Variants in N4BP2L1 observed in about 807,000 individuals in gnomAD.
The protein encoded by N4BP2L1 is NEDD4-binding protein 2-like 1.
In N4BP2L1, 12 loss-of-function variants were observed where a neutral mutation model predicts 21.2. That is an observed-to-expected ratio of 0.57 (90% confidence interval 0.36 to 0.92). The LOEUF is 0.92. N4BP2L1 is among the 40% of genes least tolerant of loss of function. N4BP2L1 has a pLI of 0.01. For missense variants in N4BP2L1, 259 were observed against 310.6 expected, an observed-to-expected ratio of 0.83 and a Z score of 1.25; for synonymous variants, 104 against 112.8, an observed-to-expected ratio of 0.92 and a Z score of 0.49.
At chr13:32,423,857 T>C (rs961638787) in intron 1 of N4BP2L1, among the ~76,000 whole-genome samples, 5 of 152,222 alleles carry the variant, frequency 3.3e-5, no homozygotes, top group Non-Finnish European at 5.9e-5. Context: ...TAGATAGTGG[T>C]AATGGTTGTA....
intron 1 of N4BP2L1, among the ~76,000 whole-genome samples, chr13:32,409,542 G>A (rs1394866988): frequency 1.3e-5 from 2 of 152,206 alleles, no homozygotes; most frequent in African/African-American, 2.4e-5. Context: ...CCAAATGCCA[G>A]GTGAAGCGTT....
chr13:32,424,297 G>A (rs1214999380), intron 1 of N4BP2L1, among the ~76,000 whole-genome samples: 3 of 152,012 alleles, frequency 2.0e-5, no homozygotes, highest in South Asian at 2.1e-4. Context: ...CTTTTCCTTC[G>A]TTCAGCCACC....
intron 1 of N4BP2L1, among the ~76,000 whole-genome samples, chr13:32,424,581 C>T (rs1221266421): frequency 6.6e-6 from 1 of 152,224 alleles, no homozygotes; most frequent in Non-Finnish European, 1.5e-5. Flanking sequence ...ACACCCACCT[C>T]GGCCTCCCAA....
At chr13:32,424,916 C>T (rs1199132562) in intron 1 of N4BP2L1, 2 of 152,096 alleles carry the variant, frequency 1.3e-5, no homozygotes, top group Non-Finnish European at 2.9e-5. Context: ...GGAGACAAGA[C>T]ATATCTTAAT....
At chr13:32,413,384 G>A (rs1227919125) in intron 1 of N4BP2L1, among the ~76,000 whole-genome samples, 1 of 152,184 alleles carries the variant, frequency 6.6e-6, no homozygotes, top group African/African-American at 2.4e-5. Flanking sequence ...GTTGGTATGA[G>A]AATGTTCTGC....
rs1192114814 is a variant in N4BP2L1 at position 32,403,015 on chromosome 13, T to C, written c.659A>G (p.Asn220Ser). The C allele has an allele frequency of 6.2e-7, 1 of 1,614,088 alleles. No homozygotes were observed. The highest frequency in any genetic ancestry group is 8.5e-7 in the Non-Finnish European group (1 of 1,180,002). ...RYWNSYTEFP[N>S]RRAHGGFTNE... ...TGTAAATCCACCGTGGGCCCTCCGG[T>C]TTGGAAACTCTGTGTAGGAATTCCA... The change falls in exon 5 of 5, where the codon AAC becomes AGC. Residue 220 changes from asparagine (N) to serine (S), a missense_variant. Transcript: ENST00000380130.
intron 4 of N4BP2L1, chr13:32,403,770 A>G (rs1375897509): frequency 7.5e-6 from 4 of 536,138 alleles, no homozygotes; most frequent in Non-Finnish European, 1.5e-5. Context: ...GCCTATTACC[A>G]TAAGAGGAAC....
Position 32,402,751 on chromosome 13 carries a change from A to G in N4BP2L1, c.*191T>C, listed in dbSNP as rs921302667. Reference sequence around the variant, plus strand: ...TACTCAAATCTGCAGAATTCCCAGCATCAGACCATGCATATAGAAGCACTT... The same window carrying G: ...TACTCAAATCTGCAGAATTCCCAGCGTCAGACCATGCATATAGAAGCACTT... On this transcript the variant is annotated 3_prime_UTR_variant, in exon 5 of 5. Coordinates refer to ENST00000380130, the MANE Select transcript of N4BP2L1 (RefSeq NM_052818.3). 1.2e-5 allele frequency: 17 copies of G among 1,367,658 alleles called. No homozygotes were observed. In the South Asian group the frequency reaches 2.0e-4, roughly 16 times the overall value. 84.7% of individuals were successfully genotyped at this position (1,367,658 alleles called of 1,614,324 possible).
At position 32,407,815 on chromosome 13, in the gene N4BP2L1, T is replaced by G. The variant is rs369700045; in HGVS notation, c.180-43A>C. The G allele has an allele frequency of 1.3e-5, 20 of 1,523,830 alleles. No individual in the cohort carries two copies. In the African/African-American group the frequency reaches 2.6e-4, roughly 20 times the overall value. 94.4% of individuals were successfully genotyped at this position (1,523,830 alleles called of 1,614,324 possible). A position where few individuals can be genotyped will look rare whatever the true frequency, so the allele number is the denominator to read the frequency against. On this transcript the variant is annotated intron_variant, in intron 1 of 4. Coordinates refer to ENST00000380130, the MANE Select transcript of N4BP2L1 (RefSeq NM_052818.3). Reference sequence around the variant, plus strand: ...GAGAGAGAGAGATGTTTTAAATATATGTATAGTCTCAGTAGAAATAATCTC... The same window carrying G: ...GAGAGAGAGAGATGTTTTAAATATAGGTATAGTCTCAGTAGAAATAATCTC...
intron 1 of N4BP2L1, chr13:32,411,439 C>A: frequency 6.2e-6 from 5 of 801,250 alleles, no homozygotes; most frequent in Non-Finnish European, 7.5e-6. Flanking sequence ...GTTGAATAGG[C>A]AGGACAATAA....
rs1489168314 is a variant in N4BP2L1 at position 32,400,836 on chromosome 13, A to C, written c.*2106T>G. 2 of 152,228 alleles carry C rather than the reference A, an allele frequency of 1.3e-5. No individual in the cohort carries two copies. The highest frequency in any genetic ancestry group is 4.8e-5 in the African/African-American group (2 of 41,464). The allele number at this position is 152,228 out of a possible 1,614,324, so 9.4% of individuals were successfully genotyped here. A position where few individuals can be genotyped will look rare whatever the true frequency, so the allele number is the denominator to read the frequency against. Reference sequence around the variant, plus strand: ...GCAAACAGCGAACACAATACAAGTCAATATTGGGTGTTCAAAGAGTTACAC... The same window carrying C: ...GCAAACAGCGAACACAATACAAGTCCATATTGGGTGTTCAAAGAGTTACAC... On this transcript the variant is annotated 3_prime_UTR_variant, in exon 5 of 5. Coordinates refer to ENST00000380130, the MANE Select transcript of N4BP2L1 (RefSeq NM_052818.3).
intron 3 of N4BP2L1, chr13:32,406,967 A>G: frequency 7.1e-6 from 3 of 421,688 alleles, no homozygotes; most frequent in South Asian, 2.3e-5. Context: ...GCCTTGCCGT[A>G]GGAAAGTAAT....
chr13:32,415,399 T>G (rs2074079957), intron 1 of N4BP2L1, among the ~76,000 whole-genome samples: 1 of 152,220 alleles, frequency 6.6e-6, no homozygotes, highest in African/African-American at 2.4e-5. Context: ...ATTTAATTTA[T>G]TTTTTTAATC....
At chr13:32,411,586 C>T in intron 1 of N4BP2L1, 5 of 985,136 alleles carry the variant, frequency 5.1e-6, no homozygotes, top group Non-Finnish European at 6.0e-6. Context: ...TTATGGTGGT[C>T]AGGAGCCTCA....
chr13:32,409,400 A>G (rs184271173), intron 1 of N4BP2L1, among the ~76,000 whole-genome samples: 64 of 152,366 alleles, frequency 4.2e-4, no homozygotes, highest in South Asian at 1.2e-3. Context: ...ATGTTTGTTT[A>G]AACAGGAATC....
At chr13:32,422,417 G>A (rs1041549366) in intron 1 of N4BP2L1, among the ~76,000 whole-genome samples, 1 of 152,200 alleles carries the variant, frequency 6.6e-6, no homozygotes, top group Non-Finnish European at 1.5e-5. Context: ...GCTTCTCAGT[G>A]TCTTGGGCTC....
chr13:32,427,384 G>C (rs959889952), intron 1 of N4BP2L1, among the ~76,000 whole-genome samples: 1 of 152,190 alleles, frequency 6.6e-6, no homozygotes, highest in African/African-American at 2.4e-5. Context: ...TATGCGCTCG[G>C]ATTACAGCGC....
At chr13:32,418,668 A>G (rs1237796760) in intron 1 of N4BP2L1, among the ~76,000 whole-genome samples, 3 of 152,210 alleles carry the variant, frequency 2.0e-5, no homozygotes, top group Admixed American at 2.0e-4. Context: ...AGCAGCCAGG[A>G]GTGGAGCTGT....
In N4BP2L1 at chr13:32,404,391, C is replaced by A; in HGVS notation, c.403G>T (p.Glu135Ter). 6.2e-7 allele frequency: 1 copy of A among 1,611,314 alleles called. No individual in the cohort carries two copies. The highest frequency in any genetic ancestry group is 1.3e-5 in the African/African-American group (1 of 74,918). ...CGGAATATAACTTCATAGTTATTTT[C>A]AAGTGCCTGATTTTTCAAAAGTACA... ...EMKPYAVMAL[E>*]NNYEVIFREP... Residue 135 changes from glutamate to a stop codon, truncating the protein, a stop_gained, in exon 4 of 5, where the codon GAA becomes TAA. Coordinates refer to ENST00000380130, the MANE Select transcript of N4BP2L1 (RefSeq NM_052818.3). LOFTEE classifies it high-confidence loss of function.
Sources: gnomAD v4.1 joint callset for allele counts (sites outside exome capture counted in the v4.1 genomes callset) on GRCh38, gnomAD v4.1.1 for gene constraint, MANE v1.5 for transcripts, NCBI Gene and HGNC (gene_info 2026-07-23, HGNC 2026-07-21) for gene names.